CNTN5: variants seen among roughly 807,000 people sequenced by gnomAD.
The protein encoded by CNTN5 is contactin-5.
Under a neutral mutation model 129.1 loss-of-function variants are expected in CNTN5, and 77 were observed. The ratio of observed to expected loss-of-function variants is 0.60; its 90% CI spans 0.50 to 0.72. The LOEUF (loss-of-function observed/expected upper bound fraction) is 0.72, where lower values mean the gene tolerates loss of function less well. Ranked by LOEUF, CNTN5 falls within the 30% of genes least tolerant of loss-of-function variation. The probability of loss-of-function intolerance (pLI) is 0.00; values close to 1 mark genes in which losing one functional copy is unlikely to be tolerated. For synonymous variants in CNTN5, 509 were observed against 465.6 expected, an observed-to-expected ratio of 1.09 and a Z score of -1.20; for missense variants, 1,478 against 1,328.8, an observed-to-expected ratio of 1.11 and a Z score of -1.75.
At chr11:99,814,204 G>A (rs1946513870) in intron 3 of CNTN5, among the ~76,000 whole-genome samples, 1 of 152,128 alleles carries the variant, frequency 6.6e-6, no homozygotes, top group Non-Finnish European at 1.5e-5. Flanking sequence ...GAGATGTACA[G>A]ACATCATTCA....
intron 3 of CNTN5, among the ~76,000 whole-genome samples, chr11:99,629,831 GTATTA>G (rs1241002842): frequency 6.6e-6 from 1 of 151,256 alleles, no homozygotes; most frequent in African/African-American, 2.4e-5. Flanking sequence ...AGACTGATTT[GTATTA>G]TATTTTAATA....
chr11:99,726,334 C>CT lies in CNTN5; in HGVS notation c.56-93205dup, dbSNP rs1424385638. On this transcript the variant is annotated intron_variant, in intron 3 of 24. Coordinates refer to ENST00000524871, the MANE Select transcript of CNTN5 (RefSeq NM_014361.4). ...TTAATAGCAAAGTATTTTATAAAAG[C>CT]TTTTTCTGTAATCTATGGCTCTGTT... Among the ~76,000 whole-genome samples the CT allele has an allele frequency of 2.8e-4, 42 of 152,106 alleles. 1 individual carries two copies. Among genetic ancestry groups the CT allele is most frequent in the African/African-American group, 1.0e-3 (42 of 41,424 alleles).
At chr11:99,477,525 A>T (rs1945420782) in intron 2 of CNTN5, among the ~76,000 whole-genome samples, 1 of 152,042 alleles carries the variant, frequency 6.6e-6, no homozygotes, top group Admixed American at 6.6e-5. Flanking sequence ...AATTTCACAT[A>T]TATAGAGACA....
chr11:99,502,260 G>T (rs973913551), intron 2 of CNTN5, among the ~76,000 whole-genome samples: 1 of 152,126 alleles, frequency 6.6e-6, no homozygotes, highest in African/African-American at 2.4e-5. Context: ...TATTTAGAAC[G>T]ATGCTTTTTC....
chr11:99,934,611 G>A (rs1016204361), intron 7 of CNTN5, among the ~76,000 whole-genome samples: 3 of 151,902 alleles, frequency 2.0e-5, no homozygotes, highest in Admixed American at 6.6e-5. Flanking sequence ...AAATATGGGC[G>A]GGGCATGGTT....
intron 6 of CNTN5, among the ~76,000 whole-genome samples, chr11:99,908,075 A>G (rs748970568): frequency 1.3e-5 from 2 of 152,058 alleles, no homozygotes; most frequent in Non-Finnish European, 2.9e-5. Flanking sequence ...TCCCAGTGTG[A>G]AAAACTATCT....
intron 16 of CNTN5, among the ~76,000 whole-genome samples, chr11:100,231,253 G>A (rs765494371): frequency 4.6e-5 from 7 of 152,220 alleles, no homozygotes; most frequent in African/African-American, 1.2e-4. Context: ...TCAGGAAAAT[G>A]TTGAGTGTTT....
intron 8 of CNTN5, among the ~76,000 whole-genome samples, chr11:99,972,248 G>A (rs930910929): frequency 2.6e-5 from 4 of 152,006 alleles, no homozygotes; most frequent in Non-Finnish European, 5.9e-5. Context: ...GCGACAGGGC[G>A]AGACTCTGTT....
intron 3 of CNTN5, among the ~76,000 whole-genome samples, chr11:99,626,667 A>T (rs961726834): frequency 2.6e-5 from 4 of 152,166 alleles, no homozygotes; most frequent in African/African-American, 9.7e-5. Context: ...GAGGATAAAG[A>T]TCTATGTAAT....
At chr11:99,243,332 A>G (rs889656698) in intron 1 of CNTN5, among the ~76,000 whole-genome samples, 9 of 151,904 alleles carry the variant, frequency 5.9e-5, no homozygotes, top group African/African-American at 2.2e-4. Flanking sequence ...CAGTTTAATT[A>G]TGTTACTTAT....
intron 8 of CNTN5, among the ~76,000 whole-genome samples, chr11:99,960,537 G>A (rs961308980): frequency 3.3e-5 from 5 of 151,978 alleles, no homozygotes; most frequent in Non-Finnish European, 7.4e-5. Context: ...TCCTAGACAT[G>A]TATACTATAC....
At chr11:99,476,516 T>C (rs967565710) in intron 2 of CNTN5, among the ~76,000 whole-genome samples, 3 of 152,192 alleles carry the variant, frequency 2.0e-5, no homozygotes, top group African/African-American at 7.2e-5. Context: ...TAGGAAATTA[T>C]AGTGCACAAA....
chr11:99,993,937 C>A (rs34778522), intron 8 of CNTN5, among the ~76,000 whole-genome samples: 1,827 of 152,112 alleles, frequency 0.012, 36 homozygotes, highest in African/African-American at 0.042. Context: ...GCAGTATAGC[C>A]CAAATTAGGT....
chr11:99,361,366 A>G (rs1247836866), intron 2 of CNTN5, among the ~76,000 whole-genome samples: 1 of 152,210 alleles, frequency 6.6e-6, no homozygotes, highest in Non-Finnish European at 1.5e-5. Context: ...TTTTGTGTCC[A>G]TTAGACAAGA....
chr11:100,297,439 A>C (rs1478940843), intron 18 of CNTN5, among the ~76,000 whole-genome samples, 186 bp from the exon 19 acceptor site: 1 of 150,902 alleles, frequency 6.6e-6, no homozygotes, highest in African/African-American at 2.4e-5. Flanking sequence ...AGTGGTCATG[A>C]AAAAAAAAGT....
At chr11:99,437,949 A>G (rs1943666146) in intron 2 of CNTN5, among the ~76,000 whole-genome samples, 1 of 152,234 alleles carries the variant, frequency 6.6e-6, no homozygotes, top group Non-Finnish European at 1.5e-5. Flanking sequence ...TTTTCCATAT[A>G]TTAAAAATGT....
At chr11:100,263,849 G>T in intron 17 of CNTN5, among the ~76,000 whole-genome samples, 1 of 152,062 alleles carries the variant, frequency 6.6e-6, no homozygotes, top group East Asian at 1.9e-4. Context: ...CTCCCTGTCT[G>T]CTCTTGCCAC....
chr11:99,837,699 A>C (rs1173788736), intron 4 of CNTN5, among the ~76,000 whole-genome samples: 5 of 151,794 alleles, frequency 3.3e-5, no homozygotes, highest in Non-Finnish European at 7.4e-5. Context: ...AAAAAAAAAA[A>C]AAAAACCTAT....
At position 100,061,256 on chromosome 11, in the gene CNTN5, C is replaced by T. The variant is rs376839752; in HGVS notation, c.1025C>T (p.Pro342Leu). The stretch of plus-strand genomic sequence containing the variant: ...TGGATGAAGGTTAATGGTTATATTC[C>T]TAGTAAGGCACGTCTGCGGAAATCT... The part of the protein sequence containing the change: ...ITWMKVNGYI[P>L]SKARLRKSQA... Residue 342 changes from proline (P) to leucine (L), a missense_variant, in exon 10 of 25, where the codon CCT becomes CTT. Transcript: ENST00000524871. The T allele has an allele frequency of 1.2e-6, 2 of 1,613,402 alleles. No individual in the cohort carries two copies. The highest frequency in any genetic ancestry group is 2.7e-5 in the African/African-American group (2 of 74,922).
Sources: allele counts gnomAD v4.1 joint callset (sites outside exome capture counted in the v4.1 genomes callset), GRCh38; gene constraint gnomAD v4.1.1; transcripts MANE v1.5; gene names NCBI Gene and HGNC (gene_info 2026-07-23, HGNC 2026-07-21).